Variants in LTBP1 observed in about 807,000 individuals in gnomAD.
The protein encoded by LTBP1 is latent-transforming growth factor beta-binding protein 1.
A neutral mutation model predicts 207.6 loss-of-function variants in LTBP1; 129 were observed. The ratio of observed to expected loss-of-function variants is 0.62; its 90% CI spans 0.54 to 0.72. LTBP1 has a LOEUF of 0.72. Among genes scored for constraint, LTBP1 ranks in the 30% least tolerant of loss-of-function variants. The pLI is 0.00. For synonymous variants in LTBP1, 963 were observed against 833.7 expected (o/e 1.16, Z -2.67); for missense variants, 2,281 against 2,217.2 (o/e 1.03, Z -0.58).
intron 3 of LTBP1, among the ~76,000 whole-genome samples, chr2:33,042,520 G>C (rs1439511302): frequency 6.6e-6 from 1 of 152,196 alleles, no homozygotes; most frequent in Non-Finnish European, 1.5e-5. Flanking sequence ...TCTTTTGGTT[G>C]CCAGTGGAAG....
chr2:33,013,276 A>G (rs989417576), intron 2 of LTBP1, among the ~76,000 whole-genome samples: 4 of 152,114 alleles, frequency 2.6e-5, no homozygotes, highest in Non-Finnish European at 4.4e-5. Context: ...GCCGTGATGT[A>G]TCTCCTTGTT....
intron 3 of LTBP1, among the ~76,000 whole-genome samples, chr2:33,076,936 AATTTTATTTTTATTTCTC>A (rs1459416654): frequency 3.9e-5 from 6 of 152,052 alleles, no homozygotes; most frequent in Admixed American, 3.9e-4. Flanking sequence ...AGGGGCTTAG[AATTTTATTTTTATTTCTC>A]ATATGTGTTT....
At position 33,243,726 on chromosome 2, in the gene LTBP1, C is replaced by A; in HGVS notation, c.1941C>A (p.Ser647Arg). The change falls in exon 10 of 34, where the codon AGC (serine) becomes AGA (arginine). Residue 647 changes from serine to arginine, a missense_variant. Coordinates refer to ENST00000404816, the MANE Select transcript of LTBP1 (RefSeq NM_206943.4). ...PNGECLNTMGSYRCTCKIGFG... is the reference protein window; with the variant it reads ...PNGECLNTMGRYRCTCKIGFG... ...GTGAGTGTTTGAATACCATGGGCAG[C>A]TATCGATGTACCTGCAAAATAGGAT... 6.2e-7 allele frequency: 1 copy of A among 1,612,920 alleles called. No homozygotes were observed. Among genetic ancestry groups the A allele is most frequent in the Non-Finnish European group, 8.5e-7 (1 of 1,178,896 alleles).
At chr2:33,153,458 T>A (rs796884964) in intron 5 of LTBP1, among the ~76,000 whole-genome samples, 18 of 152,126 alleles carry the variant, frequency 1.2e-4, no homozygotes, top group African/African-American at 4.1e-4. Flanking sequence ...GAGGACAAGT[T>A]TTTAGTTTAG....
intron 3 of LTBP1, among the ~76,000 whole-genome samples, chr2:33,052,003 G>T (rs368951131): frequency 6.6e-6 from 1 of 152,226 alleles, no homozygotes; most frequent in African/African-American, 2.4e-5. Flanking sequence ...GCAAAGCTGG[G>T]AGTCAGCATT....
chr2:33,398,275 G>A (rs765172321), intron 33 of LTBP1, 89 bp from the exon 34 acceptor site: 55 of 1,227,960 alleles, frequency 4.5e-5, no homozygotes, highest in Non-Finnish European at 6.0e-5. Context: ...TGGGGTGGTC[G>A]GGGGAAGGGC....
At chr2:33,091,588 A>G (rs1381637870) in intron 3 of LTBP1, among the ~76,000 whole-genome samples, 1 of 152,208 alleles carries the variant, frequency 6.6e-6, no homozygotes, top group African/African-American at 2.4e-5. Context: ...AGCTGAATAA[A>G]TGCTGCTTAT....
intron 2 of LTBP1, among the ~76,000 whole-genome samples, chr2:32,963,535 A>G (rs1464791651): frequency 1.3e-5 from 2 of 152,076 alleles, no homozygotes; most frequent in African/African-American, 2.4e-5. Flanking sequence ...TACACATTCT[A>G]TACTGTATGC....
intron 30 of LTBP1, 142 bp downstream of exon 30, chr2:33,364,498 T>G: frequency 1.3e-6 from 1 of 798,450 alleles, no homozygotes; most frequent in Non-Finnish European, 2.0e-6. Flanking sequence ...AATGAGATAC[T>G]TACAGAAATA....
At chr2:33,071,474 G>A (rs563861309) in intron 3 of LTBP1, among the ~76,000 whole-genome samples, 1 of 152,288 alleles carries the variant, frequency 6.6e-6, no homozygotes, top group East Asian at 1.9e-4. Context: ...CAGGCAGTGG[G>A]ATCATTGGGT....
chr2:33,341,529 G>A (rs1431339395), intron 24 of LTBP1, among the ~76,000 whole-genome samples: 1 of 151,684 alleles, frequency 6.6e-6, no homozygotes, highest in Non-Finnish European at 1.5e-5. Flanking sequence ...GGCTAACATG[G>A]TGAAACACCG....
At chr2:33,201,650 GA>G (rs756094725) in intron 7 of LTBP1, among the ~76,000 whole-genome samples, 74 of 147,026 alleles carry the variant, frequency 5.0e-4, no homozygotes, top group Admixed American at 1.5e-3. Context: ...AAAAGAAGAA[GA>G]AAAAAAAAGA....
intron 3 of LTBP1, among the ~76,000 whole-genome samples, chr2:33,079,420 A>G (rs183057668): frequency 6.6e-6 from 1 of 152,344 alleles, no homozygotes; most frequent in East Asian, 1.9e-4. Flanking sequence ...CAATTCATTT[A>G]TTCAAACTGA....
At position 33,379,531 on chromosome 2, in the gene LTBP1, T is replaced by G. The variant is rs553780058; in HGVS notation, c.4712-9653T>G. 2.6e-5 allele frequency among the ~76,000 whole-genome samples: 4 copies of G among 152,302 alleles called. No individual in the cohort carries two copies. The South Asian group carries it at 6.2e-4, about 24-fold the overall frequency. On this transcript the variant is annotated intron_variant, in intron 31 of 33. Coordinates refer to ENST00000404816, the MANE Select transcript of LTBP1 (RefSeq NM_206943.4). Reference sequence around the variant, plus strand: ...GGCCCTGCCATTACTTTTAATGCATTCATGTGGTAATCTGTGAGCCCCTTC... The same window carrying G: ...GGCCCTGCCATTACTTTTAATGCATGCATGTGGTAATCTGTGAGCCCCTTC...
intron 1 of LTBP1, 128 bp downstream of exon 1, chr2:32,947,946 T>G: frequency 2.8e-6 from 2 of 720,738 alleles, no homozygotes; most frequent in Non-Finnish European, 1.9e-6. Context: ...GTCGGCTTTC[T>G]CCTCCCGCCT....
chr2:33,277,760 C>CTTTCTTTCTTTCTTTCTTTCTTT lies in LTBP1; in HGVS notation c.2992+1837_2992+1838insTTTCTTTCTTTCTTTCTTTCTTT, dbSNP rs1219527688. ...GAAGTCAAATACTGATTTTTTTTTC[C>CTTTCTTTCTTTCTTTCTTTCTTT]CTTTCTTTCTTTCTTTCTTTCTTTC... is the stretch of plus-strand genomic sequence containing the variant. On this transcript the variant is annotated intron_variant, in intron 18 of 33. Coordinates refer to ENST00000404816, the MANE Select transcript of LTBP1 (RefSeq NM_206943.4). Among the ~76,000 whole-genome samples the CTTTCTTTCTTTCTTTCTTTCTTT allele has an allele frequency of 2.0e-3, 193 of 95,428 alleles. 2 individuals are homozygous for CTTTCTTTCTTTCTTTCTTTCTTT. The highest frequency in any genetic ancestry group is 2.7e-3 in the Non-Finnish European group (134 of 50,408). 62.6% of individuals were successfully genotyped at this position (95,428 alleles called of 152,430 possible). A position where few individuals can be genotyped will look rare whatever the true frequency, so the allele number is the denominator to read the frequency against.
intron 7 of LTBP1, among the ~76,000 whole-genome samples, 176 bp from the exon 8 acceptor site, chr2:33,217,376 T>C (rs1487306307): frequency 6.6e-6 from 1 of 152,214 alleles, no homozygotes; most frequent in African/African-American, 2.4e-5. Context: ...TTCATTTTTG[T>C]GTTGTATTGA....
At chr2:33,011,823 T>C (rs145733439) in intron 2 of LTBP1, among the ~76,000 whole-genome samples, 102 of 152,216 alleles carry the variant, frequency 6.7e-4, no homozygotes, top group African/African-American at 2.2e-3. Context: ...CTCCCAAACC[T>C]GATCGCTTAT....
rs61751743 is a variant in LTBP1 at position 33,361,501 on chromosome 2, G to C, written c.4256G>C (p.Gly1419Ala). 6.2e-7 allele frequency: 1 copy of C among 1,613,144 alleles called. No homozygotes were observed. The highest frequency in any genetic ancestry group is 8.5e-7 in the Non-Finnish European group (1 of 1,179,382). ...GGAGAATCATCTTCTGAAGCTGGTG[G>C]TGAGAACTATAAAGGTCAGAATCAA... ...PAGESSSEAG[G>A]ENYKDADECL... The change falls in exon 28 of 34, where the codon GGT becomes GCT. Residue 1419 changes from glycine to alanine, a missense_variant. Physicochemically the swap from Gly to Ala is moderately conservative, Grantham distance 60. Transcript: ENST00000404816.
Sources: gnomAD v4.1 joint callset for allele counts (sites outside exome capture counted in the v4.1 genomes callset) on GRCh38, gnomAD v4.1.1 for gene constraint, MANE v1.5 for transcripts, NCBI Gene and HGNC (gene_info 2026-07-23, HGNC 2026-07-21) for gene names.